Variants in UNC13C observed in about 807,000 individuals in gnomAD.
UNC13C encodes the protein protein unc-13 homolog C.
Under a neutral mutation model 245.4 loss-of-function variants are expected in UNC13C, and 174 were observed. The observed-to-expected ratio is 0.71, with a 90% confidence interval of 0.63 to 0.80. The LOEUF (loss-of-function observed/expected upper bound fraction) is 0.80. Ranked by LOEUF, UNC13C falls within the 30% of genes least tolerant of loss-of-function variation. The pLI is 0.00. For missense variants in UNC13C, 2,829 were observed against 2,602.9 expected (o/e 1.09, Z -1.89); for synonymous variants, 992 against 895.1 (o/e 1.11, Z -1.93).
At chr15:54,347,447 T>A (rs1204958044) in intron 17 of UNC13C, among the ~76,000 whole-genome samples, 2 of 152,218 alleles carry the variant, frequency 1.3e-5, no homozygotes, top group Admixed American at 1.3e-4. Flanking sequence ...ATTGAATGAC[T>A]ACCTAAGAAA....
intron 18 of UNC13C, among the ~76,000 whole-genome samples, chr15:54,413,936 T>G (rs892428842): frequency 1.3e-5 from 2 of 152,232 alleles, no homozygotes; most frequent in African/African-American, 4.8e-5. Flanking sequence ...AGTCTTACAT[T>G]CTGGCATGGA....
intron 13 of UNC13C, among the ~76,000 whole-genome samples, chr15:54,307,810 T>A (rs760365389): frequency 1.8e-4 from 27 of 151,882 alleles, no homozygotes; most frequent in Admixed American, 1.1e-3. Context: ...CATAGCATCT[T>A]TGAGAAGCTA....
intron 2 of UNC13C, among the ~76,000 whole-genome samples, chr15:54,139,726 TTTTAA>T (rs1434045651): frequency 6.6e-6 from 1 of 152,184 alleles, no homozygotes; most frequent in Non-Finnish European, 1.5e-5. Flanking sequence ...CATTGTTGCA[TTTTAA>T]TTTGTCAATT....
intron 2 of UNC13C, among the ~76,000 whole-genome samples, chr15:54,083,077 T>C (rs1312355217): frequency 1.3e-5 from 2 of 152,118 alleles, no homozygotes; most frequent in African/African-American, 4.8e-5. Flanking sequence ...AAGAGCCGGC[T>C]CATTCTCAGC....
At chr15:54,322,921 C>T (rs1324444290) in intron 14 of UNC13C, among the ~76,000 whole-genome samples, 1 of 151,710 alleles carries the variant, frequency 6.6e-6, no homozygotes, top group Non-Finnish European at 1.5e-5. Context: ...GGAGAAGATG[C>T]CTGGAAATAT....
chr15:54,364,073 C>G (rs1209804392), intron 17 of UNC13C, among the ~76,000 whole-genome samples: 1 of 152,146 alleles, frequency 6.6e-6, no homozygotes, highest in Non-Finnish European at 1.5e-5. Context: ...GAAACTCCAG[C>G]TTGACCTTTA....
At chr15:54,355,447 C>T (rs1165284138) in intron 17 of UNC13C, among the ~76,000 whole-genome samples, 1 of 151,968 alleles carries the variant, frequency 6.6e-6, no homozygotes, top group Non-Finnish European at 1.5e-5. Context: ...ACCTCTGCCT[C>T]CCGGGTGCAA....
intron 17 of UNC13C, among the ~76,000 whole-genome samples, chr15:54,381,572 T>G (rs1207905024): frequency 6.6e-6 from 1 of 152,132 alleles, no homozygotes; most frequent in Non-Finnish European, 1.5e-5. Flanking sequence ...ATACTACACT[T>G]CCAATCCATA....
chr15:54,321,153 T>A, intron 13 of UNC13C: 1 of 518,550 alleles, frequency 1.9e-6, no homozygotes, highest in South Asian at 1.4e-5. Context: ...GGGCTTTTCT[T>A]ACTTCACAGT....
At chr15:54,012,303 G>A (rs1424033714) in intron 1 of UNC13C, among the ~76,000 whole-genome samples, 2 of 152,084 alleles carry the variant, frequency 1.3e-5, no homozygotes, top group African/African-American at 2.4e-5. Context: ...ATGATATTAG[G>A]AAAGAAAGTA....
At chr15:54,037,381 C>T (rs2141026829) in intron 2 of UNC13C, among the ~76,000 whole-genome samples, 1 of 152,246 alleles carries the variant, frequency 6.6e-6, no homozygotes, top group South Asian at 2.1e-4. Context: ...CTACCTTCTA[C>T]AGCTGTAAAA....
intron 2 of UNC13C, among the ~76,000 whole-genome samples, chr15:54,137,321 T>G (rs1447420992): frequency 1.3e-5 from 2 of 152,244 alleles, no homozygotes; most frequent in Admixed American, 1.3e-4. Flanking sequence ...TCTTGTAGAA[T>G]CCTTGTCTGG....
At chr15:54,320,788 C>T (rs2038134292) in intron 13 of UNC13C, 1 of 362,664 alleles carries the variant, frequency 2.8e-6, no homozygotes, top group South Asian at 2.5e-5. Flanking sequence ...ACCTTGGTTT[C>T]CTGGTTGGCA....
At chr15:54,461,191 T>C (rs1891826624) in intron 19 of UNC13C, among the ~76,000 whole-genome samples, 1 of 152,190 alleles carries the variant, frequency 6.6e-6, no homozygotes, top group South Asian at 2.1e-4. Flanking sequence ...AGATTTATTA[T>C]AGGTTGAGCA....
At chr15:53,963,057 T>C in the UNC13C span, among the ~76,000 whole-genome samples, 1 of 152,178 alleles carries the variant, frequency 6.6e-6, no homozygotes, top group Non-Finnish European at 1.5e-5. Context: ...CTGATTCTGC[T>C]GTCCTAAATT....
chr15:54,268,088 A>G (rs1339188073), intron 10 of UNC13C, among the ~76,000 whole-genome samples: 2 of 151,638 alleles, frequency 1.3e-5, no homozygotes, highest in African/African-American at 4.8e-5. Context: ...TGCATTAGGT[A>G]TTTGTCCTAA....
At chr15:54,613,975 C>G (rs962822078) in intron 30 of UNC13C, among the ~76,000 whole-genome samples, 5 of 151,910 alleles carry the variant, frequency 3.3e-5, no homozygotes, top group Admixed American at 3.3e-4. Context: ...GGTAAGAACT[C>G]CAGCCCCATT....
At chr15:54,027,629 C>T (rs1030112778) in intron 2 of UNC13C, among the ~76,000 whole-genome samples, 2 of 152,138 alleles carry the variant, frequency 1.3e-5, no homozygotes, top group Admixed American at 6.5e-5. Context: ...CCTCTGCCTC[C>T]CCAAGTGCTG....
chr15:54,034,341 A>C (rs1896484654), intron 2 of UNC13C, among the ~76,000 whole-genome samples: 1 of 151,978 alleles, frequency 6.6e-6, no homozygotes, highest in African/African-American at 2.4e-5. Context: ...CATGACAATC[A>C]TTTTCTTGTG....
Sources: gnomAD v4.1 joint callset for allele counts (sites outside exome capture counted in the v4.1 genomes callset) on GRCh38, gnomAD v4.1.1 for gene constraint, MANE v1.5 for transcripts, NCBI Gene and HGNC (gene_info 2026-07-23, HGNC 2026-07-21) for gene names.